CHD1L: variants seen among roughly 807,000 people sequenced by gnomAD.
The protein encoded by CHD1L is chromodomain helicase DNA binding protein 1 like, also known as ATP-dependent chromatin remodeler CHD1L.
A neutral mutation model predicts 115.9 loss-of-function variants in CHD1L; 118 were observed. The observed-to-expected ratio is 1.02, with a 90% CI of 0.88 to 1.19. The LOEUF (loss-of-function observed/expected upper bound fraction) is 1.19, where lower values mean the gene tolerates loss of function less well. CHD1L is among the 50% of genes most tolerant of loss of function. The pLI is 0.00. For synonymous variants in CHD1L, 411 were observed against 387.1 expected (o/e 1.06, Z -0.72); for missense variants, 1,179 against 1,065.3 (o/e 1.11, Z -1.49).
chr1:147,280,287 C>G, intron 15 of CHD1L, 96 bp downstream of exon 15: 1 of 1,263,030 alleles, frequency 7.9e-7, no homozygotes, highest in Non-Finnish European at 1.1e-6. Flanking sequence ...TCTGGGGCAT[C>G]TTTTTTCTCC....
chr1:147,273,799 C>T lies in CHD1L; in HGVS notation c.1270+1518C>T, dbSNP rs587716273. 3.7e-4 allele frequency among the ~76,000 whole-genome samples: 57 copies of T among 152,332 alleles called. No individual in the cohort carries two copies. In the South Asian group the frequency reaches 0.012, roughly 31 times the overall value. On this transcript the variant is annotated intron_variant, in intron 12 of 22. Coordinates refer to ENST00000369258, the MANE Select transcript of CHD1L (RefSeq NM_004284.6). ...CCTGGACATTAGTCTTCTCCAAACA[C>T]TGTTGTGTTTGCTGTCACAGTTTTG...
At chr1:147,213,294 G>A in the CHD1L span, 1 of 1,593,858 alleles carries the variant, frequency 6.3e-7, no homozygotes, top group Non-Finnish European at 8.5e-7. Context: ...CTTCCTTCCT[G>A]GTAAGCTGCT....
chr1:147,207,926 C>T, the CHD1L span, among the ~76,000 whole-genome samples: 1 of 152,210 alleles, frequency 6.6e-6, no homozygotes, highest in African/African-American at 2.4e-5. Context: ...GACATGGCTT[C>T]TGTTCATAAG....
intron 11 of CHD1L, among the ~76,000 whole-genome samples, chr1:147,271,969 G>T (rs1049962660): frequency 2.0e-5 from 3 of 152,166 alleles, no homozygotes; most frequent in Non-Finnish European, 4.4e-5. Flanking sequence ...AAATCCAGAG[G>T]AGTATGTTAT....
At chr1:147,284,556 A>ACAAG in intron 16 of CHD1L, 57 bp downstream of exon 16, 6 of 1,434,350 alleles carry the variant, frequency 4.2e-6, no homozygotes, top group Non-Finnish European at 4.6e-6. Flanking sequence ...TCTAAAACAA[A>ACAAG]CAAAAAAATG....
chr1:147,252,799 G>A (rs587600740), intron 2 of CHD1L, 64 bp downstream of exon 2: 1 of 1,302,384 alleles, frequency 7.7e-7, no homozygotes, highest in South Asian at 1.2e-5. Context: ...ACTCATTCTG[G>A]AGCTGAGAGC....
chr1:147,221,583 T>G, the CHD1L span, among the ~76,000 whole-genome samples: 2 of 152,364 alleles, frequency 1.3e-5, no homozygotes, highest in South Asian at 4.1e-4. Context: ...TTTCATTTAT[T>G]CATTCAAGAG....
chr1:147,213,320 C>T, the CHD1L span: 1 of 1,608,646 alleles, frequency 6.2e-7, no homozygotes, highest in East Asian at 2.2e-5. Flanking sequence ...GGGAAGCTTT[C>T]CAGAGGTAGA....
the CHD1L span, among the ~76,000 whole-genome samples, chr1:147,209,310 T>C: frequency 7.1e-4 from 108 of 151,894 alleles, 1 homozygote; most frequent in Non-Finnish European, 1.0e-3. Context: ...TGGTTGCAGG[T>C]GCCTGTAGTC....
upstream of CHD1L, among the ~76,000 whole-genome samples, chr1:147,239,191 C>T (rs1331321818): frequency 1.3e-5 from 2 of 151,730 alleles, no homozygotes; most frequent in Non-Finnish European, 2.9e-5. Context: ...TTAACTAGAC[C>T]CCCCCTCCCC....
chr1:147,253,800 T>C (rs1669181624), intron 2 of CHD1L, among the ~76,000 whole-genome samples: 1 of 152,256 alleles, frequency 6.6e-6, no homozygotes. Flanking sequence ...ACCCAGCCCA[T>C]GGTTGAAATT....
At chr1:147,242,519 G>A (rs932083805), upstream of CHD1L, 9 of 550,708 alleles carry the variant, frequency 1.6e-5, no homozygotes, top group South Asian at 2.9e-4. Context: ...GCTCCGCACT[G>A]CAAGAACTGC....
At position 147,295,578 on chromosome 1, in the gene CHD1L, G is replaced by A. The variant is rs1222477292; in HGVS notation, c.*69G>A. ...ATTTACCCAGAGGTACTGCAATAGA[G>A]TATTTCAAAATGGAATCAGGATCTG... On this transcript the variant is annotated 3_prime_UTR_variant, in exon 23 of 23. Coordinates refer to ENST00000369258, the MANE Select transcript of CHD1L (RefSeq NM_004284.6). 8.7e-6 allele frequency: 10 copies of A among 1,143,832 alleles called. No individual in the cohort carries two copies. The highest frequency in any genetic ancestry group is 1.1e-5 in the Non-Finnish European group (9 of 793,944). The allele number at this position is 1,143,832 out of a possible 1,614,324, so 70.9% of individuals were successfully genotyped here.
At chr1:147,250,200 A>G (rs781962327) in intron 1 of CHD1L, among the ~76,000 whole-genome samples, 1 of 152,082 alleles carries the variant, frequency 6.6e-6, no homozygotes, top group Non-Finnish European at 1.5e-5. Flanking sequence ...TCTTTGTCAG[A>G]TAATTCTACC....
chr1:147,234,748 T>G, the CHD1L span, among the ~76,000 whole-genome samples: 2 of 152,260 alleles, frequency 1.3e-5, no homozygotes, highest in Admixed American at 6.5e-5. Flanking sequence ...TATTACATAT[T>G]ATATTTAATG....
chr1:147,272,538 A>C, intron 12 of CHD1L: 1 of 291,536 alleles, frequency 3.4e-6, no homozygotes, highest in Non-Finnish European at 6.3e-6. Context: ...TTGACCTGGG[A>C]ATGTCCTGAA....
At chr1:147,187,264 AAACC>A in the CHD1L span, 1 of 1,544,624 alleles carries the variant, frequency 6.5e-7, no homozygotes, top group East Asian at 2.2e-5. Flanking sequence ...GAAAAGACAG[AAACC>A]ATGGCCTGTC....
At chr1:147,255,770 G>A in intron 3 of CHD1L, 43 bp from the exon 4 acceptor site, 1 of 1,364,706 alleles carries the variant, frequency 7.3e-7, no homozygotes, top group African/African-American at 1.4e-5. Context: ...CCTGTCACAT[G>A]GATCTAGTAT....
At chr1:147,274,175 C>T (rs1002323289) in intron 12 of CHD1L, among the ~76,000 whole-genome samples, 3 of 152,178 alleles carry the variant, frequency 2.0e-5, no homozygotes, top group Admixed American at 1.3e-4. Flanking sequence ...GTCCCTTACC[C>T]TCCCTTTCAA....
Sources: allele counts gnomAD v4.1 joint callset (sites outside exome capture counted in the v4.1 genomes callset), GRCh38; gene constraint gnomAD v4.1.1; transcripts MANE v1.5; gene names NCBI Gene and HGNC (gene_info 2026-07-23, HGNC 2026-07-21).